The following NLGN4X variants were observed in gnomAD, a reference collection of about 807,000 sequenced individuals.
NLGN4X encodes the protein neuroligin 4 X-linked, also known as neuroligin-4, X-linked.
NLGN4X carries 3 observed loss-of-function variants against 40.3 expected under a neutral mutation model. The ratio of observed to expected loss-of-function variants is 0.07; its 90% CI spans 0.03 to 0.19. NLGN4X has a LOEUF of 0.19. NLGN4X is among the 10% of genes least tolerant of loss of function. The pLI is 1.00. For missense variants in NLGN4X, 382 were observed against 708.3 expected (o/e 0.54, Z 5.23); for synonymous variants, 270 against 306.8 (o/e 0.88, Z 1.25).
At chrX:5,899,108 G>A (rs1034354663) in intron 5 of NLGN4X, among the ~76,000 whole-genome samples, 2 of 112,358 alleles carry the variant, frequency 1.8e-5, no homozygotes, top group African/African-American at 3.2e-5. Context: ...GAATCCACAC[G>A]TTGCATTTCA....
intron 2 of NLGN4X, among the ~76,000 whole-genome samples, chrX:6,081,040 G>C (rs1011225763): frequency 9.1e-6 from 1 of 110,280 alleles, no homozygotes; most frequent in African/African-American, 3.3e-5. Flanking sequence ...TGTAATCCCA[G>C]CACTTTGGGA....
rs140781815 is a variant in NLGN4X at position 5,950,454 on chromosome X, G to A, written c.626-41215C>T. ...TACTAGAAAACTTAAAATTACACAT[G>A]TAGTGCACATTACCTGTCTATGGGA... On this transcript the variant is annotated intron_variant, in intron 3 of 5. Coordinates refer to ENST00000381095, the MANE Select transcript of NLGN4X (RefSeq NM_181332.3). Among the ~76,000 whole-genome samples, 100 of 112,240 alleles carry A rather than the reference G, an allele frequency of 8.9e-4. 4 individuals are homozygous for A. In the East Asian group the frequency reaches 0.027, roughly 31 times the overall value.
At chrX:5,977,561 A>T (rs2035215288) in intron 3 of NLGN4X, among the ~76,000 whole-genome samples, 3 of 110,633 alleles carry the variant, frequency 2.7e-5, no homozygotes, top group Admixed American at 1.9e-4. Flanking sequence ...AATCTGTAAC[A>T]ATGATTTTTT....
chrX:6,135,530 T>C lies in NLGN4X; in HGVS notation c.472+15465A>G, dbSNP rs765444435. On this transcript the variant is annotated intron_variant, in intron 2 of 5. Transcript: ENST00000381095. ...GCTTACCTAGCATTCAATTTTCCTC[T>C]GGGGAGCAATCTTACTTCCATCTAC... 1.8e-4 allele frequency among the ~76,000 whole-genome samples: 20 copies of C among 111,505 alleles called. No homozygotes were observed. The South Asian group carries it at 3.1e-3, about 17-fold the overall frequency.
chrX:5,895,308 T>C (rs938924670), intron 5 of NLGN4X, among the ~76,000 whole-genome samples: 6 of 111,177 alleles, frequency 5.4e-5, no homozygotes, highest in Non-Finnish European at 1.9e-5. Flanking sequence ...TGGAGGTAAG[T>C]GATGAAGGTT....
chrX:6,077,290 GTGTGTC>G (rs988474146), intron 2 of NLGN4X, among the ~76,000 whole-genome samples: 1 of 104,527 alleles, frequency 9.6e-6, no homozygotes, highest in Non-Finnish European at 2.0e-5. Context: ...GTGTGTGTGT[GTGTGTC>G]TGTGTGTGTG....
chrX:5,973,901 C>T (rs894937699), intron 3 of NLGN4X, among the ~76,000 whole-genome samples: 9 of 112,288 alleles, frequency 8.0e-5, no homozygotes, highest in Non-Finnish European at 1.7e-4. Context: ...AAACAATCTT[C>T]GTGTCCAACC....
intron 2 of NLGN4X, among the ~76,000 whole-genome samples, chrX:6,058,592 G>C (rs989065495): frequency 8.9e-6 from 1 of 111,894 alleles, no homozygotes; most frequent in Non-Finnish European, 1.9e-5. Context: ...AGGGATAAGA[G>C]TTAACAACTT....
chrX:6,100,411 T>G (rs2038880220), intron 2 of NLGN4X, among the ~76,000 whole-genome samples: 1 of 112,725 alleles, frequency 8.9e-6, no homozygotes, highest in African/African-American at 3.2e-5. Context: ...TGTGAAAATG[T>G]CTGTGAATGG....
At chrX:5,996,396 C>A (rs1297801256) in intron 3 of NLGN4X, among the ~76,000 whole-genome samples, 1 of 111,574 alleles carries the variant, frequency 9.0e-6, no homozygotes. Flanking sequence ...TTTCTCCCTG[C>A]CGGGGTCACC....
At chrX:5,937,755 C>T (rs147089206) in intron 3 of NLGN4X, among the ~76,000 whole-genome samples, 92 of 111,444 alleles carry the variant, frequency 8.3e-4, no homozygotes, top group African/African-American at 2.7e-3. Flanking sequence ...TAGGGAAACC[C>T]ACATTATCTC....
chrX:5,909,885 T>C (rs2032401044), intron 3 of NLGN4X, among the ~76,000 whole-genome samples: 1 of 111,151 alleles, frequency 9.0e-6, no homozygotes, highest in African/African-American at 3.3e-5. Context: ...AAAAATGTAA[T>C]TATTGAACCT....
intron 3 of NLGN4X, among the ~76,000 whole-genome samples, chrX:5,914,889 T>C (rs1282060205): frequency 8.9e-6 from 1 of 112,008 alleles, no homozygotes; most frequent in African/African-American, 3.2e-5. Context: ...TTGACGGTTA[T>C]AGGAAATCAT....
chrX:6,156,821 G>T (rs931239161), intron 1 of NLGN4X, among the ~76,000 whole-genome samples: 2 of 108,559 alleles, frequency 1.8e-5, no homozygotes, highest in Non-Finnish European at 3.8e-5. Flanking sequence ...ATACACCCAG[G>T]TAAAAAATCC....
intron 3 of NLGN4X, among the ~76,000 whole-genome samples, chrX:5,927,337 T>C (rs116386358): frequency 0.046 from 5,112 of 111,818 alleles, 302 homozygotes; most frequent in African/African-American, 0.16. Context: ...CAACGTTTGA[T>C]CAATTGTACT....
At chrX:6,010,513 T>TTTATTATAATTATTATTATTA (rs2036220040) in intron 3 of NLGN4X, among the ~76,000 whole-genome samples, 6 of 95,413 alleles carry the variant, frequency 6.3e-5, no homozygotes, top group Admixed American at 6.0e-4. Flanking sequence ...TTCTTTTTAT[T>TTTATTATAATTATTATTATTA]TTATTATTAT....
chrX:5,972,012 T>G (rs958174552), intron 3 of NLGN4X, among the ~76,000 whole-genome samples: 1 of 111,849 alleles, frequency 8.9e-6, no homozygotes, highest in Admixed American at 9.5e-5. Context: ...GAGCAACTTT[T>G]AAGTAATGGT....
chrX:6,085,250 G>C (rs1376806019), intron 2 of NLGN4X, among the ~76,000 whole-genome samples: 2 of 111,291 alleles, frequency 1.8e-5, no homozygotes, highest in East Asian at 2.9e-4. Context: ...GAAGGAAGAA[G>C]TGATAGCCAG....
intron 3 of NLGN4X, among the ~76,000 whole-genome samples, chrX:6,024,797 T>C (rs1357611565): frequency 2.7e-5 from 3 of 111,566 alleles, no homozygotes; most frequent in Non-Finnish European, 5.7e-5. Context: ...GTTCCAATAA[T>C]TGCCACCCCT....
Sources: gnomAD v4.1 joint callset for allele counts (sites outside exome capture counted in the v4.1 genomes callset) on GRCh38, gnomAD v4.1.1 for gene constraint, MANE v1.5 for transcripts, NCBI Gene and HGNC (gene_info 2026-07-23, HGNC 2026-07-21) for gene names.